Variants in SCAPER observed in about 807,000 individuals in gnomAD.
The protein encoded by SCAPER is S phase cyclin A-associated protein in the endoplasmic reticulum.
Under a neutral mutation model 182.2 loss-of-function variants are expected in SCAPER, and 98 were observed. The observed-to-expected ratio is 0.54, with a 90% CI of 0.46 to 0.64. The LOEUF is 0.64. Among genes scored for constraint, SCAPER ranks in the 30% least tolerant of loss-of-function variants. The probability of loss-of-function intolerance (pLI) is 0.00; values close to 1 mark genes in which losing one functional copy is unlikely to be tolerated. For synonymous variants in SCAPER, 605 were observed against 564.6 expected (o/e 1.07, Z -1.01); for missense variants, 1,432 against 1,690.0 (o/e 0.85, Z 2.68).
chr15:76,381,598 T>C lies in SCAPER; in HGVS notation c.3485A>G (p.Asp1162Gly). 1 of 1,594,862 alleles carries C rather than the reference T, an allele frequency of 6.3e-7. No homozygotes were observed. The highest frequency in any genetic ancestry group is 1.3e-5 in the African/African-American group (1 of 74,704). The change falls in exon 28 of 32, where the codon GAC becomes GGC. Residue 1162 changes from aspartate to glycine, a missense_variant. This residue lies in a region of SCAPER where 718 missense variants were observed against 799.7 expected (regional missense o/e 0.90). Transcript: ENST00000563290. ...CCCTGTGGGATCCTGGCGATTATTG[T>C]CAAATATGCTGTATGACCTGACAAA... ...AVTGRSYSIFDNNRQDPTGLT... is the reference protein window; with the variant it reads ...AVTGRSYSIFGNNRQDPTGLT...
chr15:76,568,018 G>T (rs983430623), intron 23 of SCAPER, among the ~76,000 whole-genome samples: 1 of 151,542 alleles, frequency 6.6e-6, no homozygotes, highest in African/African-American at 2.4e-5. Context: ...GATCCATCTG[G>T]AATCAATTTT....
Position 76,813,249 on chromosome 15 carries a change from A to AAAAAAAAAAAAAC in SCAPER, c.394-8617_394-8616insGTTTTTTTTTTTT, listed in dbSNP as rs2066805442. On this transcript the variant is annotated intron_variant, in intron 5 of 31. Coordinates refer to ENST00000563290, the MANE Select transcript of SCAPER (RefSeq NM_020843.4). ...CACTAAAAAAAAAAAAAAAAAAAAA[A>AAAAAAAAAAAAAC]AAAAAACAACTCAACAAAATAGGTA... Among the ~76,000 whole-genome samples the AAAAAAAAAAAAAC allele has an allele frequency of 3.0e-4, 18 of 60,184 alleles. 3 individuals are homozygous for AAAAAAAAAAAAAC. Among genetic ancestry groups the AAAAAAAAAAAAAC allele is most frequent in the Non-Finnish European group, 7.0e-4 (15 of 21,542 alleles). The allele number at this position is 60,184 out of a possible 152,430, so 39.5% of individuals were successfully genotyped here. A position where few individuals can be genotyped will look rare whatever the true frequency, so the allele number is the denominator to read the frequency against.
intron 22 of SCAPER, among the ~76,000 whole-genome samples, chr15:76,620,349 A>G (rs34103231): frequency 0.27 from 41,477 of 151,918 alleles, 6,435 homozygotes; most frequent in East Asian, 0.55. Flanking sequence ...TTGTTATTAT[A>G]TTAATTTGGT....
chr15:76,588,669 AAATTGT>A (rs1358414864), intron 22 of SCAPER, among the ~76,000 whole-genome samples: 3 of 152,096 alleles, frequency 2.0e-5, no homozygotes, highest in African/African-American at 7.2e-5. Flanking sequence ...GTTTGTCTTT[AAATTGT>A]ATTTTTGTTT....
At chr15:76,709,228 T>C (rs1460804465) in intron 17 of SCAPER, among the ~76,000 whole-genome samples, 3 of 151,796 alleles carry the variant, frequency 2.0e-5, no homozygotes, top group African/African-American at 7.3e-5. Context: ...ACCTCCAGGG[T>C]TCAAGCGATT....
chr15:76,636,484 G>T (rs1265116841), intron 21 of SCAPER, among the ~76,000 whole-genome samples: 1 of 151,918 alleles, frequency 6.6e-6, no homozygotes, highest in African/African-American at 2.4e-5. Context: ...TCTCTCAGGT[G>T]GCCTCCTCAG....
At chr15:76,558,176 G>A (rs938732942) in intron 23 of SCAPER, among the ~76,000 whole-genome samples, 3 of 152,106 alleles carry the variant, frequency 2.0e-5, no homozygotes, top group Non-Finnish European at 2.9e-5. Flanking sequence ...AAGAGTTTCT[G>A]CACAGGAAAA....
At chr15:76,688,396 T>C (rs2058152310) in intron 20 of SCAPER, among the ~76,000 whole-genome samples, 1 of 152,248 alleles carries the variant, frequency 6.6e-6, no homozygotes, top group South Asian at 2.1e-4. Context: ...GCCTGTTTAC[T>C]CTGATGGTAG....
chr15:76,606,951 G>T (rs1474124289), intron 22 of SCAPER, among the ~76,000 whole-genome samples: 2 of 152,200 alleles, frequency 1.3e-5, no homozygotes, highest in South Asian at 4.1e-4. Context: ...GCACACTGAT[G>T]AGTCTTGACT....
At chr15:76,609,384 G>A (rs1490870158) in intron 22 of SCAPER, among the ~76,000 whole-genome samples, 1 of 151,874 alleles carries the variant, frequency 6.6e-6, no homozygotes, top group African/African-American at 2.4e-5. Flanking sequence ...AACTACCGAG[G>A]AGGCTGAGTT....
intron 24 of SCAPER, among the ~76,000 whole-genome samples, chr15:76,484,384 A>G (rs1040806408): frequency 1.3e-5 from 2 of 152,180 alleles, no homozygotes; most frequent in Non-Finnish European, 2.9e-5. Context: ...TAAACTAGAA[A>G]ATCTAGAAGA....
At chr15:76,825,934 G>A (rs559056604) in intron 5 of SCAPER, among the ~76,000 whole-genome samples, 7 of 152,120 alleles carry the variant, frequency 4.6e-5, no homozygotes, top group East Asian at 3.9e-4. Context: ...TAGTAGAAAC[G>A]GGGTTTCACC....
chr15:76,881,884 T>A (rs2073562476), intron 2 of SCAPER, among the ~76,000 whole-genome samples: 1 of 152,186 alleles, frequency 6.6e-6, no homozygotes, highest in South Asian at 2.1e-4. Flanking sequence ...TCATGTTATT[T>A]GTATTAGCAC....
chr15:76,526,115 A>G (rs935991317), intron 23 of SCAPER, among the ~76,000 whole-genome samples: 1 of 151,876 alleles, frequency 6.6e-6, no homozygotes, highest in African/African-American at 2.4e-5. Context: ...ATTTTTATAT[A>G]TCCTATTCCT....
chr15:76,788,287 G>A (rs2064761459), intron 8 of SCAPER, among the ~76,000 whole-genome samples: 1 of 152,160 alleles, frequency 6.6e-6, no homozygotes, highest in Non-Finnish European at 1.5e-5. Flanking sequence ...TACATTATGT[G>A]TGAATATACT....
At chr15:76,854,243 T>A (rs1365994596) in intron 4 of SCAPER, among the ~76,000 whole-genome samples, 1 of 151,894 alleles carries the variant, frequency 6.6e-6, no homozygotes, top group East Asian at 1.9e-4. Flanking sequence ...CACTCCATCC[T>A]GGCAATAGAG....
chr15:76,795,983 C>T (rs2065297008), intron 7 of SCAPER, among the ~76,000 whole-genome samples: 1 of 151,716 alleles, frequency 6.6e-6, no homozygotes, highest in Non-Finnish European at 1.5e-5. Context: ...ATTGCTTGAG[C>T]CCAGGAGGCA....
Position 76,435,472 on chromosome 15 carries a change from T to C in SCAPER, c.3079-1162A>G, listed in dbSNP as rs2047140462. On this transcript the variant is annotated intron_variant, in intron 25 of 31. Transcript: ENST00000563290. ...TATACATCAGTGATTCCTGATTCTT[T>C]TTCCTTCTCCAAAGGAGACATTCTT... 4.6e-5 allele frequency among the ~76,000 whole-genome samples: 7 copies of C among 152,208 alleles called. No individual in the cohort carries two copies. The South Asian group carries it at 1.5e-3, about 32-fold the overall frequency.
At chr15:76,517,172 A>T (rs1458092740) in intron 23 of SCAPER, among the ~76,000 whole-genome samples, 2 of 152,004 alleles carry the variant, frequency 1.3e-5, no homozygotes, top group Non-Finnish European at 2.9e-5. Flanking sequence ...ATCTCTAAAT[A>T]GCCCAAATTT....
Sources: gnomAD v4.1 joint callset for allele counts (sites outside exome capture counted in the v4.1 genomes callset) on GRCh38, gnomAD v4.1.1 for gene constraint, gnomAD v4.1.1 regional missense constraint, MANE v1.5 for transcripts, NCBI Gene and HGNC (gene_info 2026-07-23, HGNC 2026-07-21) for gene names.